Variants in MYH7 observed in about 807,000 individuals in gnomAD.
MYH7 encodes the protein myosin-7.
A neutral mutation model predicts 225.4 loss-of-function variants in MYH7; 129 were observed. The ratio of observed to expected loss-of-function variants is 0.57; its 90% CI spans 0.50 to 0.66. MYH7 has a LOEUF of 0.66. MYH7 is among the 30% of genes least tolerant of loss of function. The probability of loss-of-function intolerance (pLI) is 0.00; values close to 1 mark genes in which losing one functional copy is unlikely to be tolerated. For synonymous variants in MYH7, 971 were observed against 1,007.6 expected (o/e 0.96, Z 0.69); for missense variants, 1,649 against 2,517.0 (o/e 0.66, Z 7.38).
chr14:23,419,702 A>G, intron 27 of MYH7, 93 bp from the exon 28 acceptor site: 2 of 1,611,382 alleles, frequency 1.2e-6, no homozygotes, highest in Non-Finnish European at 1.7e-6. Flanking sequence ...AGAAGAGGGA[A>G]GGTGTGAAAA....
rs1358888752 is a variant in MYH7, at chr14:23,415,749, G to T, written c.5037C>A (p.Asn1679Lys). The T allele has an allele frequency of 6.2e-7, 1 of 1,614,200 alleles. No homozygotes were observed. Among genetic ancestry groups the T allele is most frequent in the East Asian group, 2.2e-5 (1 of 44,870 alleles). The change falls in exon 35 of 40, where the codon AAC (asparagine) becomes AAA (lysine). Residue 1679 changes from asparagine (N) to lysine (K), a missense_variant. Physicochemically the swap from Asn to Lys is moderately conservative, Grantham distance 94. This residue lies in a region of MYH7 where 687 missense variants were observed against 913.8 expected (regional missense o/e 0.75). Coordinates refer to ENST00000355349, the MANE Select transcript of MYH7 (RefSeq NM_000257.4). The surrounding 1 kb of genome is among the most constrained non-coding windows in gnomAD (Gnocchi z 6.3). ...ACTCCTCCAGCTCAGCCTGCAGCAG[G>T]TTGTTGCGCCGCTCCACGATGGCGA... ...ENIAIVERRN[N>K]LLQAELEELR...
chr14:23,434,232 C>G lies in MYH7; in HGVS notation c.-47G>C, dbSNP rs886050425. On this transcript the variant is annotated 5_prime_UTR_variant, in exon 2 of 40. Coordinates refer to ENST00000355349, the MANE Select transcript of MYH7 (RefSeq NM_000257.4). ...GTGTGTCTACAGATGAGGAAAGGGG[C>G]CAAGGCCTGCAGGGGACCTGGAGAG... is the stretch of plus-strand genomic sequence containing the variant. The G allele has an allele frequency of 9.8e-7, 1 of 1,017,256 alleles. No homozygotes were observed. The highest frequency in any genetic ancestry group is 1.7e-5 in the African/African-American group (1 of 58,052). The allele number at this position is 1,017,256 out of a possible 1,614,324, so 63.0% of individuals were successfully genotyped here.
At position 23,419,113 on chromosome 14, in the gene MYH7, A is replaced by T. The variant is rs915656077; in HGVS notation, c.3972+64T>A. ...AGCCTTATTGCTGGGAAGGGAAGTG[A>T]TTTGATGCAAGGCTAGTCAGTGTGC... On this transcript the variant is annotated intron_variant, in intron 29 of 39. Coordinates refer to ENST00000355349, the MANE Select transcript of MYH7 (RefSeq NM_000257.4). The T allele has an allele frequency of 3.2e-6, 4 of 1,244,324 alleles. No individual in the cohort carries two copies. The African/African-American group carries it at 8.1e-5, about 25-fold the overall frequency. The allele number at this position is 1,244,324 out of a possible 1,614,324, so 77.1% of individuals were successfully genotyped here. A position where few individuals can be genotyped will look rare whatever the true frequency, so the allele number is the denominator to read the frequency against.
In MYH7 at chr14:23,418,221, G is replaced by A. The variant is rs886050418; in HGVS notation, c.4158C>T (p.Leu1386=). ...TGCTCAGAACTCACTTGGCCTCCTCGAGCTCCTCAGTCCGCTGAATGGCGT... is the reference window on the plus strand; with the variant it reads ...TGCTCAGAACTCACTTGGCCTCCTCAAGCTCCTCAGTCCGCTGAATGGCGT... ...ETDAIQRTEE[L]EEAKKKLAQR... is the part of the protein sequence containing the mutation. The change falls in exon 30 of 40, where the codon CTC becomes CTT. Residue 1386 remains leucine, a synonymous_variant. Transcript: ENST00000355349. 24 of 1,613,214 alleles carry A rather than the reference G, an allele frequency of 1.5e-5. No individual in the cohort carries two copies. Among genetic ancestry groups the A allele is most frequent in the Non-Finnish European group, 1.7e-5 (20 of 1,180,042 alleles).
At position 23,427,746 on chromosome 14, in the gene MYH7, T is replaced by C. The variant is rs727504238; in HGVS notation, c.1727A>G (p.His576Arg). 34 of 1,613,990 alleles carry C rather than the reference T, an allele frequency of 2.1e-5. No individual in the cohort carries two copies. The highest frequency in any genetic ancestry group is 2.7e-5 in the Non-Finnish European group (32 of 1,180,038). Residue 576 changes from histidine to arginine, a missense_variant, in exon 16 of 40, where the codon CAC (histidine) becomes CGC (arginine). Physicochemically the swap from His to Arg is conservative, Grantham distance 29. Coordinates refer to ENST00000355349, the MANE Select transcript of MYH7 (RefSeq NM_000257.4). Reference protein sequence around the residue: ...PRNIKGKPEAHFSLIHYAGIV... With the variant: ...PRNIKGKPEARFSLIHYAGIV... ...GCCGGCATAGTGGATCAGGGAGAAG[T>C]GGGCTTCAGGCTTCCCCTTGATATT... is the stretch of plus-strand genomic sequence containing the variant.
In MYH7 at chr14:23,416,217, G is replaced by A. The variant is rs201469051; in HGVS notation, c.4740C>T (p.Asp1580=). The stretch of plus-strand genomic sequence containing the variant: ...TGCGCTTGGCCTGTTCCATCTCCTC[G>A]TCCTTCTCTGCCAGCTTCCGCTCGA... ...AEIERKLAEK[D]EEMEQAKRNH... The change falls in exon 34 of 40, where the codon GAC becomes GAT. Residue 1580 remains aspartate, a synonymous_variant. Coordinates refer to ENST00000355349, the MANE Select transcript of MYH7 (RefSeq NM_000257.4). 1.1e-5 allele frequency: 17 copies of A among 1,613,988 alleles called. 1 individual carries two copies. Among genetic ancestry groups the A allele is most frequent in the South Asian group, 7.7e-5 (7 of 91,060 alleles).
chr14:23,413,028 C>A (rs1011569844), intron 39 of MYH7, among the ~76,000 whole-genome samples, 157 bp from the exon 40 acceptor site: 3 of 151,906 alleles, frequency 2.0e-5, no homozygotes, highest in Non-Finnish European at 2.9e-5. Flanking sequence ...TTCCAGGGAT[C>A]GATGTTCGGG....
Position 23,432,724 on chromosome 14 carries a change from C to T in MYH7, c.417G>A (p.Val139=), listed in dbSNP as rs2138684664. 1 of 1,614,132 alleles carries T rather than the reference C, an allele frequency of 6.2e-7. No homozygotes were observed. Among genetic ancestry groups the T allele is most frequent in the Non-Finnish European group, 8.5e-7 (1 of 1,180,028 alleles). The change falls in exon 5 of 40, where the codon GTG becomes GTA. Residue 139 remains valine (V), a synonymous_variant. Transcript: ENST00000355349. The part of the protein sequence containing the change: ...KWLPVYTPEV[V]AAYRGKKRSE... ...TCCTCTTCTTGCCCCGGTAGGCAGCCACCACCTCAGGAGTGTACACCGGCA... is the reference window on the plus strand; with the variant it reads ...TCCTCTTCTTGCCCCGGTAGGCAGCTACCACCTCAGGAGTGTACACCGGCA...
Position 23,414,019 on chromosome 14 carries a change from C to G in MYH7, c.5643G>C (p.Gln1881His). The change falls in exon 38 of 40, where the codon CAG becomes CAC. Residue 1881 changes from glutamine (Q) to histidine (H), a missense_variant. Physicochemically the swap from Gln to His is conservative, Grantham distance 24. Transcript: ENST00000355349. Reference sequence around the variant, plus strand: ...CAGGGTCACTCACCGCCTCCTCGGCCTGGCGCTTGTAGGCCTTGACCTTTA... The same window carrying G: ...CAGGGTCACTCACCGCCTCCTCGGCGTGGCGCTTGTAGGCCTTGACCTTTA... The part of the protein sequence containing the change: ...LQLKVKAYKR[Q>H]AEEAEEQANT... 1 of 1,614,194 alleles carries G rather than the reference C, an allele frequency of 6.2e-7. No homozygotes were observed. The highest frequency in any genetic ancestry group is 8.5e-7 in the Non-Finnish European group (1 of 1,180,050).
At chr14:23,430,808 G>T in intron 10 of MYH7, 93 bp downstream of exon 10, 1 of 1,285,668 alleles carries the variant, frequency 7.8e-7, no homozygotes, top group Non-Finnish European at 1.1e-6. Context: ...GCAGTGCCAT[G>T]AAACCCAGGG....
rs606231330 is a variant in MYH7 at position 23,427,126 on chromosome 14, C to T, written c.1956+114G>A. On this transcript the variant is annotated intron_variant, in intron 17 of 39. Transcript: ENST00000355349. Reference sequence around the variant, plus strand: ...GACAGAGTGAAAATGGTCCCGAATGCACCAAGGAGACAGGGAACGGGAGGA... The same window carrying T: ...GACAGAGTGAAAATGGTCCCGAATGTACCAAGGAGACAGGGAACGGGAGGA... 9.1e-7 allele frequency: 1 copy of T among 1,097,816 alleles called. No individual in the cohort carries two copies. The highest frequency in any genetic ancestry group is 1.4e-6 in the Non-Finnish European group (1 of 719,684). The allele number at this position is 1,097,816 out of a possible 1,614,324, so 68.0% of individuals were successfully genotyped here. A position where few individuals can be genotyped will look rare whatever the true frequency, so the allele number is the denominator to read the frequency against.
chr14:23,430,771 G>A (rs952382903), intron 10 of MYH7, 108 bp from the exon 11 acceptor site: 23 of 1,285,698 alleles, frequency 1.8e-5, no homozygotes, highest in Admixed American at 1.7e-5. Flanking sequence ...GCTTGGCTTG[G>A]CCCCACATCC....
Position 23,425,112 on chromosome 14 carries a change from A to C in MYH7, c.2424-88T>G. The C allele has an allele frequency of 6.2e-7, 1 of 1,609,630 alleles. No homozygotes were observed. The highest frequency in any genetic ancestry group is 8.5e-7 in the Non-Finnish European group (1 of 1,177,420). On this transcript the variant is annotated intron_variant, in intron 21 of 39. Transcript: ENST00000355349. The surrounding 1 kb of genome is among the most constrained non-coding windows in gnomAD (Gnocchi z 4.6). The stretch of plus-strand genomic sequence containing the variant: ...ACCTTGGGAATATCCCATTTCCTTC[A>C]TCCCTCCCACCCTTCCTGAGGCCTC...
chr14:23,420,417 A>G (rs1892431657), intron 26 of MYH7, among the ~76,000 whole-genome samples, 183 bp from the exon 27 acceptor site: 2 of 152,216 alleles, frequency 1.3e-5, no homozygotes, highest in South Asian at 2.1e-4. Flanking sequence ...AGGGCCTGAC[A>G]GTCTACATGC....
chr14:23,429,015 G>T lies in MYH7; in HGVS notation c.1347C>A (p.Thr449=), dbSNP rs754790703. The T allele has an allele frequency of 1.2e-6, 2 of 1,614,184 alleles. No individual in the cohort carries two copies. The highest frequency in any genetic ancestry group is 1.7e-5 in the Admixed American group (1 of 60,034). The change falls in exon 14 of 40, where the codon ACC becomes ACA. Residue 449 remains threonine, a synonymous_variant. Coordinates refer to ENST00000355349, the MANE Select transcript of MYH7 (RefSeq NM_000257.4). ...CTATGAAGTACTGGCGTGGCTGCTTGGTCTCCAGGGTGGCATTGATGCGCG... is the reference window on the plus strand; with the variant it reads ...CTATGAAGTACTGGCGTGGCTGCTTTGTCTCCAGGGTGGCATTGATGCGCG... ...MVTRINATLE[T]KQPRQYFIGV... is the part of the protein sequence containing the mutation.
rs767785908 is a variant in MYH7, at chr14:23,425,468, A to G, written c.2287-50T>C. The G allele has an allele frequency of 6.2e-6, 10 of 1,613,448 alleles. No individual in the cohort carries two copies. The Admixed American group carries it at 8.3e-5, about 13-fold the overall frequency. ...ATGACTAGGGAGGGGTACGAGGGAA[A>G]GAGATGGTGGGGATTACCTTAGGAA... is the stretch of plus-strand genomic sequence containing the variant. On this transcript the variant is annotated intron_variant, in intron 20 of 39. Transcript: ENST00000355349. This position sits in a 1 kb window ranked among gnomAD's most constrained non-coding sequence, Gnocchi z 4.6.
At position 23,423,967 on chromosome 14, in the gene MYH7, G is replaced by A. The variant is rs982198020; in HGVS notation, c.2862C>T (p.Ile954=). The A allele has an allele frequency of 6.8e-6, 11 of 1,613,998 alleles. No individual in the cohort carries two copies. The highest frequency in any genetic ancestry group is 1.6e-4 in the Middle Eastern group (1 of 6,084). ...EDECSELKRD[I]DDLELTLAKV... is the part of the protein sequence containing the mutation. ...TGGCCAGTGTCAGCTCCAGATCATC[G>A]ATGTCCCTTTTGAGCTCTGAGCACT... The change falls in exon 23 of 40, where the codon ATC becomes ATT. Residue 954 remains isoleucine (I), a synonymous_variant. Coordinates refer to ENST00000355349, the MANE Select transcript of MYH7 (RefSeq NM_000257.4).
chr14:23,422,311 C>G lies in MYH7; in HGVS notation c.3114G>C (p.Leu1038=), dbSNP rs1892507072. 6.2e-7 allele frequency: 1 copy of G among 1,614,178 alleles called. No individual in the cohort carries two copies. The highest frequency in any genetic ancestry group is 8.5e-7 in the Non-Finnish European group (1 of 1,180,044). The part of the protein sequence containing the change: ...EQQVDDLEGS[L]EQEKKVRMDL... ...CCATGCGCACCTTCTTCTCTTGCTC[C>G]AGGGATCCTTCCAGCTGGTAGAGAG... The change falls in exon 25 of 40, where the codon CTG becomes CTC. Residue 1038 remains leucine, a synonymous_variant. Transcript: ENST00000355349.
At chr14:23,431,024 G>A (rs753726841) in intron 9 of MYH7, 25 bp from the exon 10 acceptor site, 17 of 1,550,872 alleles carry the variant, frequency 1.1e-5, no homozygotes, top group Non-Finnish European at 1.8e-6. Flanking sequence ...GGAGAAGAAG[G>A]AGAGAAAGAA....
Sources: allele counts gnomAD v4.1 joint callset (sites outside exome capture counted in the v4.1 genomes callset), GRCh38; gene constraint gnomAD v4.1.1; regional missense constraint gnomAD v4.1.1; non-coding constraint Gnocchi (gnomAD v3.1); transcripts MANE v1.5; gene names NCBI Gene and HGNC (gene_info 2026-07-23, HGNC 2026-07-21).